Variants in TXNDC16 observed in about 807,000 individuals in gnomAD.
TXNDC16 encodes thioredoxin domain-containing protein 16.
A neutral mutation model predicts 85.6 loss-of-function variants in TXNDC16; 74 were observed. That is an observed-to-expected ratio of 0.86 (90% CI 0.72 to 1.05). The LOEUF (loss-of-function observed/expected upper bound fraction) is 1.05. Among genes scored for constraint, TXNDC16 ranks in the 50% least tolerant of loss-of-function variants. TXNDC16 has a pLI of 0.00. For synonymous variants in TXNDC16, 335 were observed against 326.5 expected, an observed-to-expected ratio of 1.03 and a Z score of -0.28; for missense variants, 959 against 947.0, an observed-to-expected ratio of 1.01 and a Z score of -0.17.
rs141057969 is a variant in TXNDC16, at chr14:52,438,303, A to C, written c.2194+901T>G. On this transcript the variant is annotated intron_variant, in intron 20 of 20. Transcript: ENST00000281741. ...AAACAGCATCATATACTACAGAGAA[A>C]TCTTTTGTGAAAAGAAAGGTCAATC... Among the ~76,000 whole-genome samples the C allele has an allele frequency of 6.1e-3, 929 of 152,328 alleles. 6 individuals are homozygous for C. Among genetic ancestry groups the C allele is most frequent in the Non-Finnish European group, 0.01 (701 of 68,022 alleles).
Position 52,432,574 on chromosome 14 carries a change from A to G in TXNDC16, c.2208T>C (p.Ala736=), listed in dbSNP as rs755053701. The G allele has an allele frequency of 6.2e-7, 1 of 1,606,728 alleles. No individual in the cohort carries two copies. The highest frequency in any genetic ancestry group is 1.1e-5 in the South Asian group (1 of 89,288). The change falls in exon 21 of 21, where the codon GCT becomes GCC. Residue 736 remains alanine, a synonymous_variant. Coordinates refer to ENST00000281741, the MANE Select transcript of TXNDC16 (RefSeq NM_020784.3). Reference sequence around the variant, plus strand: ...CTGGAAGAGGAGGTTTCCATTCTTGAGCAGGTAAAATTGCTGGAAGGAAGA... The same window carrying G: ...CTGGAAGAGGAGGTTTCCATTCTTGGGCAGGTAAAATTGCTGGAAGGAAGA... ...GLENHITILP[A]QEWKPPLPAY...
At chr14:52,456,416 G>C (rs2035536169) in intron 17 of TXNDC16, among the ~76,000 whole-genome samples, 1 of 152,002 alleles carries the variant, frequency 6.6e-6, no homozygotes. Flanking sequence ...TTCACAAATA[G>C]AACAAAAGCC....
At chr14:52,497,650 C>T (rs55649233) in intron 9 of TXNDC16, among the ~76,000 whole-genome samples, 14,709 of 152,140 alleles carry the variant, frequency 0.097, 825 homozygotes, top group East Asian at 0.18. Flanking sequence ...GAGGCTGAGG[C>T]GGGCGGATTG....
chr14:52,465,358 C>T (rs189854083), intron 16 of TXNDC16, among the ~76,000 whole-genome samples: 16 of 152,078 alleles, frequency 1.1e-4, no homozygotes, highest in East Asian at 7.7e-4. Context: ...TTTGGGAGGC[C>T]GAGGCGGGTG....
intron 12 of TXNDC16, 113 bp downstream of exon 12, chr14:52,488,250 T>A: frequency 7.6e-7 from 1 of 1,323,160 alleles, no homozygotes. Context: ...CAGGTTTCTT[T>A]ACAGAGTCTT....
Position 52,515,062 on chromosome 14 carries a change from T to G in TXNDC16, c.515-92A>C, listed in dbSNP as rs2037050172. Reference sequence around the variant, plus strand: ...TATTCTGAATATTATCCTACACTCCTTTATGTTCTACTATATTTAAAGAAA... The same window carrying G: ...TATTCTGAATATTATCCTACACTCCGTTATGTTCTACTATATTTAAAGAAA... On this transcript the variant is annotated intron_variant, in intron 7 of 20. Transcript: ENST00000281741. The G allele has an allele frequency of 3.3e-5, 28 of 855,794 alleles. No homozygotes were observed. The South Asian group carries it at 6.0e-4, about 18-fold the overall frequency. The allele number at this position is 855,794 out of a possible 1,614,324, so 53.0% of individuals were successfully genotyped here.
chr14:52,457,071 A>C lies in TXNDC16; in HGVS notation c.1703+19T>G. The C allele has an allele frequency of 6.7e-7, 1 of 1,502,016 alleles. No individual in the cohort carries two copies. Among genetic ancestry groups the C allele is most frequent in the Non-Finnish European group, 9.1e-7 (1 of 1,102,626 alleles). 93.0% of individuals were successfully genotyped at this position (1,502,016 alleles called of 1,614,324 possible). A position where few individuals can be genotyped will look rare whatever the true frequency, so the allele number is the denominator to read the frequency against. On this transcript the variant is annotated intron_variant, in intron 17 of 20. Coordinates refer to ENST00000281741, the MANE Select transcript of TXNDC16 (RefSeq NM_020784.3). ...GCATAATTTCTCCCTCCCTAAAATT[A>C]AAAGAGCAATAAACTTACAGTAGCA...
At chr14:52,508,066 G>A (rs1466624929) in intron 9 of TXNDC16, among the ~76,000 whole-genome samples, 1 of 152,084 alleles carries the variant, frequency 6.6e-6, no homozygotes, top group Non-Finnish European at 1.5e-5. Flanking sequence ...TTGACAAATG[G>A]GATCTAATTA....
At chr14:52,476,271 C>A (rs2036018656) in intron 14 of TXNDC16, among the ~76,000 whole-genome samples, 1 of 152,058 alleles carries the variant, frequency 6.6e-6, no homozygotes, top group Non-Finnish European at 1.5e-5. Flanking sequence ...AAGCAAGATT[C>A]TTTAACTCAC....
At position 52,530,042 on chromosome 14, in the gene TXNDC16, AATTT is replaced by A. The variant is rs1219366716; in HGVS notation, c.392+6673_392+6676del. 5.1e-3 allele frequency among the ~76,000 whole-genome samples: 445 copies of A among 87,386 alleles called. 4 individuals are homozygous for A. Among genetic ancestry groups the A allele is most frequent in the African/African-American group, 0.018 (381 of 21,582 alleles). The allele number at this position is 87,386 out of a possible 152,430, so 57.3% of individuals were successfully genotyped here. A position where few individuals can be genotyped will look rare whatever the true frequency, so the allele number is the denominator to read the frequency against. ...TTATATGTTATAATTATTTTTATGT[AATTT>A]ATTTATACATTATATTTATATATTA... On this transcript the variant is annotated intron_variant, in intron 6 of 20. Transcript: ENST00000281741.
In TXNDC16 at chr14:52,530,454, A is replaced by ATAATATTATATATAATAAT. The variant is rs1433815522; in HGVS notation, c.392+6264_392+6265insATTATTATATATAATATTA. On this transcript the variant is annotated intron_variant, in intron 6 of 20. Coordinates refer to ENST00000281741, the MANE Select transcript of TXNDC16 (RefSeq NM_020784.3). ...AATAATATATAATATATTATTATAT[A>ATAATATTATATATAATAAT]ATAATATATATTATATATTATTATA... 2.3e-4 allele frequency among the ~76,000 whole-genome samples: 2 copies of ATAATATTATATATAATAAT among 8,818 alleles called. 1 individual carries two copies. The highest frequency in any genetic ancestry group is 1.9e-3 in the African/African-American group (2 of 1,074). 5.8% of individuals were successfully genotyped at this position (8,818 alleles called of 152,430 possible).
chr14:52,496,750 C>T lies in TXNDC16; in HGVS notation c.757-5745G>A, dbSNP rs191785320. Among the ~76,000 whole-genome samples the T allele has an allele frequency of 2.7e-3, 415 of 151,928 alleles. 5 individuals carry two copies. Among genetic ancestry groups the T allele is most frequent in the African/African-American group, 9.1e-3 (379 of 41,454 alleles). ...TCAGCCTCCCAAGTAGCTGGGACTA[C>T]AGGTGCATACCATCATACCCAGCTA... On this transcript the variant is annotated intron_variant, in intron 9 of 20. Coordinates refer to ENST00000281741, the MANE Select transcript of TXNDC16 (RefSeq NM_020784.3).
intron 9 of TXNDC16, among the ~76,000 whole-genome samples, chr14:52,500,436 T>C (rs2045505): frequency 0.36 from 55,078 of 151,986 alleles, 10,274 homozygotes; most frequent in East Asian, 0.56. Context: ...AGACTGGTGG[T>C]GTCAAGGACT....
intron 6 of TXNDC16, among the ~76,000 whole-genome samples, chr14:52,530,969 A>T (rs999472600): frequency 1.3e-5 from 2 of 152,036 alleles, no homozygotes; most frequent in African/African-American, 4.8e-5. Flanking sequence ...ACTGTTACCC[A>T]AAATATACAA....
At chr14:52,470,940 G>T (rs1039637973) in intron 14 of TXNDC16, among the ~76,000 whole-genome samples, 1 of 152,070 alleles carries the variant, frequency 6.6e-6, no homozygotes, top group African/African-American at 2.4e-5. Flanking sequence ...AGCTTAAGCT[G>T]CCTTCTCTTG....
chr14:52,489,001 C>CA (rs2036341628), intron 11 of TXNDC16, among the ~76,000 whole-genome samples: 1 of 151,954 alleles, frequency 6.6e-6, no homozygotes, highest in African/African-American at 2.4e-5. Flanking sequence ...AAAAAGGTGG[C>CA]AAAAAAGGTG....
At chr14:52,500,681 C>T (rs910215118) in intron 9 of TXNDC16, among the ~76,000 whole-genome samples, 1 of 152,120 alleles carries the variant, frequency 6.6e-6, no homozygotes. Flanking sequence ...TTGCACACTG[C>T]CACATAAGTT....
chr14:52,517,080 C>T (rs762727411), intron 7 of TXNDC16, among the ~76,000 whole-genome samples: 90 of 152,146 alleles, frequency 5.9e-4, no homozygotes, highest in Non-Finnish European at 9.8e-4. Flanking sequence ...TCCTCCCCCA[C>T]ACAAACACAC....
chr14:52,487,546 A>G (rs758584234), intron 12 of TXNDC16, among the ~76,000 whole-genome samples: 15 of 152,234 alleles, frequency 9.9e-5, no homozygotes, highest in Non-Finnish European at 1.8e-4. Context: ...AAGAGGATTA[A>G]TGTTATGAAA....
Sources: gnomAD v4.1 joint callset for allele counts (sites outside exome capture counted in the v4.1 genomes callset) on GRCh38, gnomAD v4.1.1 for gene constraint, MANE v1.5 for transcripts, NCBI Gene and HGNC (gene_info 2026-07-23, HGNC 2026-07-21) for gene names.